The following KCTD1 variants were observed in gnomAD, a reference collection of about 807,000 sequenced individuals.
KCTD1 encodes potassium channel tetramerization domain containing 1.
KCTD1 carries 24 observed loss-of-function variants against 66.0 expected under a neutral mutation model. That is an observed-to-expected ratio of 0.36 (90% confidence interval 0.26 to 0.51). The LOEUF (loss-of-function observed/expected upper bound fraction) is 0.51, where lower values mean the gene tolerates loss of function less well. KCTD1 is among the 20% of genes least tolerant of loss of function. The pLI is 0.95. For synonymous variants in KCTD1, 511 were observed against 517.2 expected (o/e 0.99, Z 0.16); for missense variants, 943 against 1,205.2 (o/e 0.78, Z 3.22).
At chr18:26,550,353 G>A (rs1212403686), upstream of KCTD1, among the ~76,000 whole-genome samples, 1 of 151,422 alleles carries the variant, frequency 6.6e-6, no homozygotes, top group Admixed American at 6.6e-5. The surrounding 1 kb of genome is among the most constrained non-coding windows in gnomAD (Gnocchi z 5.4). Flanking sequence ...TTTTAAGAAA[G>A]AATGAAAGAC....
intron 1 of KCTD1, among the ~76,000 whole-genome samples, chr18:26,621,325 C>CGTCCATAGACACT (rs1410027735): frequency 2.3e-4 from 35 of 152,256 alleles, no homozygotes; most frequent in Admixed American, 1.8e-3. Flanking sequence ...CACACTCCAG[C>CGTCCATAGACACT]GTCCATAGAC....
At chr18:26,628,476 T>C (rs1216350549) in intron 1 of KCTD1, among the ~76,000 whole-genome samples, 1 of 152,178 alleles carries the variant, frequency 6.6e-6, no homozygotes, top group East Asian at 1.9e-4. Context: ...ACAACTTCAT[T>C]ACAGCTCAAC....
chr18:26,549,682 C>G, upstream of KCTD1: 1 of 979,482 alleles, frequency 1.0e-6, no homozygotes, highest in Non-Finnish European at 1.2e-6. Flanking sequence ...TCGGCCGACC[C>G]TGCCGCAGCC....
intron 1 of KCTD1, among the ~76,000 whole-genome samples, chr18:26,571,821 G>A (rs1986114508): frequency 6.6e-6 from 1 of 151,928 alleles, no homozygotes; most frequent in Non-Finnish European, 1.5e-5. Context: ...AAAGTCACGG[G>A]GTAGCAAATG....
chr18:26,543,426 T>C (rs1172188446), intron 1 of KCTD1: 1 of 152,250 alleles, frequency 6.6e-6, no homozygotes, highest in Non-Finnish European at 1.5e-5. Flanking sequence ...ACCTTAGCAG[T>C]TATTTCAATA....
intron 1 of KCTD1, among the ~76,000 whole-genome samples, chr18:26,646,377 C>T (rs1197177798): frequency 6.6e-6 from 1 of 151,930 alleles, no homozygotes; most frequent in African/African-American, 2.4e-5. Context: ...AATTATGAGG[C>T]CAAAAAGTAG....
intron 1 of KCTD1, among the ~76,000 whole-genome samples, chr18:26,635,722 T>C (rs1036430455): frequency 1.1e-4 from 17 of 152,226 alleles, no homozygotes; most frequent in Admixed American, 3.9e-4. Context: ...CTGAGGTTAC[T>C]GGTACACAAA....
intron 1 of KCTD1, among the ~76,000 whole-genome samples, chr18:26,652,583 A>G (rs1359415161): frequency 1.3e-5 from 2 of 152,268 alleles, no homozygotes; most frequent in African/African-American, 2.4e-5. Context: ...GCCTACTTCA[A>G]TGATGAATTC....
At chr18:26,502,708 A>G (rs1298831810) in intron 1 of KCTD1, among the ~76,000 whole-genome samples, 1 of 152,238 alleles carries the variant, frequency 6.6e-6, no homozygotes, top group Non-Finnish European at 1.5e-5. Context: ...CAAATTCTGT[A>G]ACACCGATGA....
Position 26,463,507 on chromosome 18 carries a change from T to C in KCTD1, c.2134-3582A>G, listed in dbSNP as rs1489343699. On this transcript the variant is annotated intron_variant, in intron 3 of 4. Coordinates refer to ENST00000580059, the MANE Select transcript of KCTD1 (RefSeq NM_001142730.3). ...AAATCAGTTACTCACAGACCTATTA[T>C]CATGTTTAAATCATTTCAAAATCTT... Among the ~76,000 whole-genome samples the C allele has an allele frequency of 2.0e-5, 3 of 151,472 alleles. No individual in the cohort carries two copies. The East Asian group carries it at 5.9e-4, about 30-fold the overall frequency.
chr18:26,593,126 C>T (rs1986648188), intron 1 of KCTD1, among the ~76,000 whole-genome samples: 1 of 152,244 alleles, frequency 6.6e-6, no homozygotes, highest in Non-Finnish European at 1.5e-5. Context: ...TGATGTTCCA[C>T]CACATGGCTC....
chr18:26,566,101 G>C (rs973660888), intron 1 of KCTD1: 2 of 152,142 alleles, frequency 1.3e-5, no homozygotes, highest in East Asian at 1.9e-4. Context: ...ACACAGTAGG[G>C]ACCAGTTTGT....
At chr18:26,637,142 A>C (rs1417452330) in intron 1 of KCTD1, among the ~76,000 whole-genome samples, 1 of 152,114 alleles carries the variant, frequency 6.6e-6, no homozygotes, top group Non-Finnish European at 1.5e-5. Flanking sequence ...CAAACTGTTT[A>C]AATTTTTTTG....
chr18:26,607,986 GTTT>G (rs1987054878), intron 1 of KCTD1, among the ~76,000 whole-genome samples: 1 of 152,100 alleles, frequency 6.6e-6, no homozygotes, highest in Non-Finnish European at 1.5e-5. Context: ...GCCCAGACTG[GTTT>G]CAAACTCCTG....
intron 1 of KCTD1, among the ~76,000 whole-genome samples, chr18:26,504,859 T>C (rs1982951023): frequency 6.6e-6 from 1 of 152,172 alleles, no homozygotes; most frequent in Non-Finnish European, 1.5e-5. Flanking sequence ...CTTTCTCAAC[T>C]TCACCTGGAT....
intron 1 of KCTD1, among the ~76,000 whole-genome samples, chr18:26,656,110 C>G (rs1469779073): frequency 6.6e-6 from 1 of 152,170 alleles, no homozygotes; most frequent in Admixed American, 6.5e-5. Flanking sequence ...ATCCCTCCCG[C>G]CCACCTCTGC....
upstream of KCTD1, among the ~76,000 whole-genome samples, chr18:26,630,799 A>G (rs73405386): frequency 1.9e-3 from 288 of 152,364 alleles, no homozygotes; most frequent in African/African-American, 6.1e-3. Flanking sequence ...TGAAAGAGCA[A>G]GTGACAGACG....
upstream of KCTD1, chr18:26,629,371 G>C (rs2145037861): frequency 5.6e-6 from 1 of 179,138 alleles, no homozygotes; most frequent in South Asian, 1.9e-4. Flanking sequence ...AATATTGATT[G>C]AATGCAATAA....
intron 1 of KCTD1, among the ~76,000 whole-genome samples, chr18:26,583,821 CAAAATA>C (rs1439846679): frequency 1.3e-5 from 2 of 152,184 alleles, no homozygotes; most frequent in African/African-American, 4.8e-5. Context: ...CTCCATCTGT[CAAAATA>C]CAAAAGTGGC....
Sources: gnomAD v4.1 joint callset for allele counts (sites outside exome capture counted in the v4.1 genomes callset) on GRCh38, gnomAD v4.1.1 for gene constraint, Gnocchi (gnomAD v3.1) non-coding constraint, MANE v1.5 for transcripts, NCBI Gene and HGNC (gene_info 2026-07-23, HGNC 2026-07-21) for gene names.